The following CFAP54 variants were observed in gnomAD, a reference collection of about 807,000 sequenced individuals.
The protein encoded by CFAP54 is cilia- and flagella-associated protein 54.
CFAP54 carries 290 observed loss-of-function variants against 370.4 expected under a neutral mutation model. The ratio of observed to expected loss-of-function variants is 0.78; its 90% CI spans 0.71 to 0.86. CFAP54 has a LOEUF of 0.86. Among genes scored for constraint, CFAP54 ranks in the 40% least tolerant of loss-of-function variants. The probability of loss-of-function intolerance (pLI) is 0.00; values close to 1 mark genes in which losing one functional copy is unlikely to be tolerated. For missense variants in CFAP54, 3,399 were observed against 3,528.7 expected (o/e 0.96, Z 0.93); for synonymous variants, 1,206 against 1,236.5 (o/e 0.98, Z 0.52).
chr12:96,507,435 T>C (rs983371271), intron 4 of CFAP54, among the ~76,000 whole-genome samples: 1 of 152,072 alleles, frequency 6.6e-6, no homozygotes. Flanking sequence ...ACCCATTTAC[T>C]GGCCCTGTCC....
At chr12:96,781,894 G>T (rs1786709072) in intron 60 of CFAP54, among the ~76,000 whole-genome samples, 1 of 152,036 alleles carries the variant, frequency 6.6e-6, no homozygotes, top group Non-Finnish European at 1.5e-5. Flanking sequence ...AAGAACTAAA[G>T]TACAAATGGT....
Position 96,500,153 on chromosome 12 carries a change from A to T in CFAP54, c.318-681A>T, listed in dbSNP as rs116794966. Among the ~76,000 whole-genome samples, 218 of 152,340 alleles carry T rather than the reference A, an allele frequency of 1.4e-3. 1 individual carries two copies. The highest frequency in any genetic ancestry group is 5.1e-3 in the African/African-American group (211 of 41,582). On this transcript the variant is annotated intron_variant, in intron 1 of 67. Transcript: ENST00000524981. ...AAATGAGCTATCAAGCCATGAAAAG[A>T]CATGGAGGAAACTTAGATGCATATT...
chr12:96,825,315 A>G lies in CFAP54; in HGVS notation c.9097-3699A>G, dbSNP rs138330671. Among the ~76,000 whole-genome samples, 1,264 of 127,870 alleles carry G rather than the reference A, an allele frequency of 9.9e-3. 25 individuals are homozygous for G. Among genetic ancestry groups the G allele is most frequent in the African/African-American group, 0.033 (1,127 of 33,688 alleles). 83.9% of individuals were successfully genotyped at this position (127,870 alleles called of 152,430 possible). A position where few individuals can be genotyped will look rare whatever the true frequency, so the allele number is the denominator to read the frequency against. ...ATATAATATATTATATATATAATATAATATATATTATATAACATGTTATAT... is the reference window on the plus strand; with the variant it reads ...ATATAATATATTATATATATAATATGATATATATTATATAACATGTTATAT... On this transcript the variant is annotated intron_variant, in intron 65 of 67. Transcript: ENST00000524981.
At position 96,849,183 on chromosome 12, in the gene CFAP54, T is replaced by G. The variant is rs749184161; in HGVS notation, c.9172-11636T>G. On this transcript the variant is annotated intron_variant, in intron 66 of 67. Coordinates refer to ENST00000524981, the MANE Select transcript of CFAP54 (RefSeq NM_001306084.2). ...TGATGTATTAAGAAAAAATAGAAAA[T>G]ATGGTGGAGAAACTCATATGTGAGA... Among the ~76,000 whole-genome samples, 3 of 152,284 alleles carry G rather than the reference T, an allele frequency of 2.0e-5. No individual in the cohort carries two copies. In the South Asian group the frequency reaches 6.2e-4, roughly 32 times the overall value.
Position 96,727,842 on chromosome 12 carries a change from T to C in CFAP54, c.6965+7277T>C, listed in dbSNP as rs1285894423. Among the ~76,000 whole-genome samples, 16 of 151,992 alleles carry C rather than the reference T, an allele frequency of 1.1e-4. No individual in the cohort carries two copies. In the East Asian group the frequency reaches 3.1e-3, roughly 29 times the overall value. Reference sequence around the variant, plus strand: ...GTTGTTCCTTTCCATGTTTAGTGCTTCCTTCAGGAGCTCTTTTAGGGCAGG... The same window carrying C: ...GTTGTTCCTTTCCATGTTTAGTGCTCCCTTCAGGAGCTCTTTTAGGGCAGG... On this transcript the variant is annotated intron_variant, in intron 50 of 67. Coordinates refer to ENST00000524981, the MANE Select transcript of CFAP54 (RefSeq NM_001306084.2).
rs373074277 is a variant in CFAP54 at position 96,708,654 on chromosome 12, C to T, written c.6575C>T (p.Thr2192Ile). 9.9e-6 allele frequency: 16 copies of T among 1,610,438 alleles called. No individual in the cohort carries two copies. The South Asian group carries it at 1.1e-4, about 11-fold the overall frequency. The change falls in exon 48 of 68, where the codon ACA (threonine) becomes ATA (isoleucine). Residue 2192 changes from threonine (T) to isoleucine (I), a missense_variant. By Grantham distance (89) the Thr-to-Ile change is moderately conservative. Around this residue, in one of 3 missense-constraint regions of CFAP54, gnomAD observed 2,796 missense variants for 2,869.7 expected, o/e 0.97. Coordinates refer to ENST00000524981, the MANE Select transcript of CFAP54 (RefSeq NM_001306084.2). ...AAAGGCTTGCCTGCAGTTCTGGTTA[C>T]AATTGGCCAACCACATCTCTTAAAT... ...RNKGLPAVLV[T>I]IGQPHLLNKF...
intron 63 of CFAP54, among the ~76,000 whole-genome samples, chr12:96,805,335 T>C (rs1238314911): frequency 4.6e-5 from 7 of 151,856 alleles, no homozygotes; most frequent in Non-Finnish European, 8.8e-5. Context: ...GCAAACTATG[T>C]ATCTAACAAA....
At chr12:96,683,143 A>G (rs1187581568) in intron 40 of CFAP54, among the ~76,000 whole-genome samples, 4 of 152,252 alleles carry the variant, frequency 2.6e-5, no homozygotes, top group Non-Finnish European at 5.9e-5. Context: ...ACAAATTATT[A>G]TGAAGCTCTA....
At position 96,647,449 on chromosome 12, in the gene CFAP54, G is replaced by A. The variant is rs188584144; in HGVS notation, c.4548-426G>A. Among the ~76,000 whole-genome samples, 451 of 116,074 alleles carry A rather than the reference G, an allele frequency of 3.9e-3. 4 individuals are homozygous for A. The highest frequency in any genetic ancestry group is 0.013 in the African/African-American group (427 of 31,720). 76.1% of individuals were successfully genotyped at this position (116,074 alleles called of 152,430 possible). On this transcript the variant is annotated intron_variant, in intron 33 of 67. Transcript: ENST00000524981. ...TATCGCGCCACTGCACTCCAGTCTG[G>A]GCGACAGAGCGAGACTCTGTCCCAA...
chr12:96,684,879 C>T (rs1957308671), intron 41 of CFAP54, 144 bp downstream of exon 41: 1 of 951,900 alleles, frequency 1.1e-6, no homozygotes, highest in South Asian at 1.6e-5. Flanking sequence ...TCAAATGCTA[C>T]CTGAGAGAAA....
intron 60 of CFAP54, among the ~76,000 whole-genome samples, chr12:96,769,306 C>T (rs1220330266): frequency 6.6e-6 from 1 of 152,212 alleles, no homozygotes; most frequent in Non-Finnish European, 1.5e-5. Flanking sequence ...GATGCAGCCT[C>T]TTACTACTAC....
chr12:96,722,272 C>T (rs751219188), intron 50 of CFAP54, among the ~76,000 whole-genome samples: 4 of 152,170 alleles, frequency 2.6e-5, no homozygotes, highest in Non-Finnish European at 4.4e-5. Flanking sequence ...ACCCTCTTGA[C>T]GTGTGTGTAT....
intron 60 of CFAP54, among the ~76,000 whole-genome samples, chr12:96,777,003 A>G (rs1387452717): frequency 2.0e-5 from 3 of 152,244 alleles, no homozygotes; most frequent in Non-Finnish European, 4.4e-5. Context: ...CTTGAATTTT[A>G]TCTTTGGCAG....
chr12:96,732,012 G>A (rs796906528), intron 50 of CFAP54, among the ~76,000 whole-genome samples: 41 of 152,208 alleles, frequency 2.7e-4, no homozygotes, highest in African/African-American at 6.5e-4. Flanking sequence ...ACTGTGTGAC[G>A]CCTAATCTTC....
At chr12:96,726,473 A>G (rs369899537) in intron 50 of CFAP54, among the ~76,000 whole-genome samples, 2 of 152,282 alleles carry the variant, frequency 1.3e-5, no homozygotes, top group African/African-American at 2.4e-5. Flanking sequence ...AGAGGTGTTT[A>G]TAGTATTCTC....
At chr12:96,550,564 G>A (rs1032758737) in intron 15 of CFAP54, among the ~76,000 whole-genome samples, 1 of 152,134 alleles carries the variant, frequency 6.6e-6, no homozygotes, top group Non-Finnish European at 1.5e-5. Flanking sequence ...GCAACAAAGT[G>A]AGACTCTGTC....
At chr12:96,510,964 A>C (rs1208066114) in intron 4 of CFAP54, among the ~76,000 whole-genome samples, 1 of 45,990 alleles carries the variant, frequency 2.2e-5, no homozygotes, top group Non-Finnish European at 4.1e-5. Context: ...CTCTTATCTC[A>C]AAAAAAAAAA....
intron 39 of CFAP54, among the ~76,000 whole-genome samples, chr12:96,676,639 G>A (rs1957212499): frequency 6.6e-6 from 1 of 152,076 alleles, no homozygotes; most frequent in Admixed American, 6.5e-5. Flanking sequence ...TCCACCTCTG[G>A]GGTTCAAGCG....
chr12:96,594,391 A>G lies in CFAP54; in HGVS notation c.3461A>G (p.Tyr1154Cys), dbSNP rs1268969094. ...SYALQAVTQC[Y>C]GLLAPIIYHN... ...GCCCTTCAAGCTGTGACTCAATGTT[A>G]TGGACTTCTTGCTCCCATAATTTAT... The change falls in exon 25 of 68, where the codon TAT becomes TGT. Residue 1154 changes from tyrosine to cysteine, a missense_variant. By Grantham distance (194) the Tyr-to-Cys change is radical (BLOSUM62 -2). Transcript: ENST00000524981. The G allele has an allele frequency of 1.5e-5, 23 of 1,534,548 alleles. No homozygotes were observed. In the Admixed American group the frequency reaches 4.3e-4, roughly 29 times the overall value.
Sources: gnomAD v4.1 joint callset for allele counts (sites outside exome capture counted in the v4.1 genomes callset) on GRCh38, gnomAD v4.1.1 for gene constraint, gnomAD v4.1.1 regional missense constraint, MANE v1.5 for transcripts, NCBI Gene and HGNC (gene_info 2026-07-23, HGNC 2026-07-21) for gene names.